Variants in ZNF420 observed in about 807,000 individuals in gnomAD.
ZNF420 encodes the protein zinc finger protein 420.
A neutral mutation model predicts 44.7 loss-of-function variants in ZNF420; 31 were observed. That is an observed-to-expected ratio of 0.69 (90% CI 0.52 to 0.94). The LOEUF (loss-of-function observed/expected upper bound fraction) is 0.94. ZNF420 is among the 40% of genes least tolerant of loss of function. The pLI is 0.00. For missense variants in ZNF420, 681 were observed against 827.9 expected (o/e 0.82, Z 2.18); for synonymous variants, 245 against 267.4 (o/e 0.92, Z 0.82).
chr19:37,113,233 C>G (rs73930907), intron 4 of ZNF420, among the ~76,000 whole-genome samples: 48 of 152,260 alleles, frequency 3.2e-4, no homozygotes, highest in African/African-American at 1.1e-3. Context: ...GGCTCTTTAT[C>G]TGTTCTTGTA....
intron 4 of ZNF420, among the ~76,000 whole-genome samples, chr19:37,122,573 C>G (rs1971112934): frequency 6.6e-6 from 1 of 152,060 alleles, no homozygotes. Context: ...TGTAACAAAC[C>G]TGCACATTGT....
chr19:37,106,165 CTCT>C (rs1452785206), intron 4 of ZNF420, among the ~76,000 whole-genome samples: 3 of 152,074 alleles, frequency 2.0e-5, no homozygotes, highest in African/African-American at 7.2e-5. Context: ...TCATAAATAG[CTCT>C]TATTATTTTG....
chr19:37,015,150 G>C (rs1036330971), intron 1 of ZNF420, among the ~76,000 whole-genome samples: 15 of 152,180 alleles, frequency 9.9e-5, no homozygotes, highest in African/African-American at 3.1e-4. Flanking sequence ...GTTTCTTTCT[G>C]TGTGTGTGTG....
intron 3 of ZNF420, 102 bp downstream of exon 3, chr19:37,089,229 T>A: frequency 1.0e-6 from 1 of 1,000,016 alleles, no homozygotes; most frequent in Non-Finnish European, 1.6e-6. Flanking sequence ...CTGACCTCAC[T>A]CAGGAATGTG....
intron 1 of ZNF420, among the ~76,000 whole-genome samples, chr19:37,079,202 A>G (rs1231313232): frequency 6.6e-6 from 1 of 152,202 alleles, no homozygotes; most frequent in Non-Finnish European, 1.5e-5. Flanking sequence ...TGTTTGAGAC[A>G]AGGTGGTCTA....
chr19:37,013,488 C>T (rs2059396793), intron 1 of ZNF420, among the ~76,000 whole-genome samples: 1 of 152,146 alleles, frequency 6.6e-6, no homozygotes, highest in South Asian at 2.1e-4. Context: ...TCTCTGGATG[C>T]CCGGATTTGA....
intron 1 of ZNF420, among the ~76,000 whole-genome samples, chr19:37,059,880 T>A (rs1234636065): frequency 2.0e-4 from 31 of 152,046 alleles, no homozygotes. Flanking sequence ...CTTTTCTCTG[T>A]CTCTCACTTC....
chr19:37,038,703 A>G (rs1967400079), intron 1 of ZNF420, among the ~76,000 whole-genome samples: 1 of 152,238 alleles, frequency 6.6e-6, no homozygotes, highest in African/African-American at 2.4e-5. Context: ...CTGTAATCCC[A>G]GCACTTTGGG....
chr19:37,008,244 C>A (rs1415686091), intron 1 of ZNF420, among the ~76,000 whole-genome samples: 1 of 151,556 alleles, frequency 6.6e-6, no homozygotes. Context: ...TGTACCACTG[C>A]TGTGTGTGTG....
chr19:37,055,420 T>C (rs1967723600), intron 1 of ZNF420, among the ~76,000 whole-genome samples: 1 of 151,862 alleles, frequency 6.6e-6, no homozygotes, highest in Non-Finnish European at 1.5e-5. Flanking sequence ...AAAAGTCGGC[T>C]CAAAAAGGCC....
chr19:37,018,703 G>T (rs151116898), intron 1 of ZNF420, among the ~76,000 whole-genome samples: 2,656 of 152,212 alleles, frequency 0.017, 41 homozygotes, highest in Middle Eastern at 0.054. Context: ...GAGTAGCTGG[G>T]ATTATAGGTG....
intron 2 of ZNF420, among the ~76,000 whole-genome samples, chr19:37,083,832 C>T (rs1214831047): frequency 1.3e-5 from 2 of 152,136 alleles, no homozygotes; most frequent in East Asian, 1.9e-4. Context: ...ATAGTAGGAA[C>T]TCTCATTGCT....
At chr19:37,025,128 A>G in intron 1 of ZNF420, 1 of 356,326 alleles carries the variant, frequency 2.8e-6, no homozygotes, top group Non-Finnish European at 4.9e-6. Context: ...CACATTCCAA[A>G]CATTTATAGG....
chr19:37,017,712 C>T (rs997278290), intron 1 of ZNF420, among the ~76,000 whole-genome samples: 5 of 152,162 alleles, frequency 3.3e-5, no homozygotes, highest in South Asian at 2.1e-4. Context: ...CAGTGGACAG[C>T]ACACTCGGTG....
intron 1 of ZNF420, among the ~76,000 whole-genome samples, chr19:37,047,382 C>A (rs1003424284): frequency 2.0e-5 from 3 of 152,192 alleles, no homozygotes; most frequent in Non-Finnish European, 4.4e-5. Context: ...TGCATCCCCT[C>A]CTGAAGACAC....
At chr19:37,059,344 C>A (rs371190558) in intron 1 of ZNF420, among the ~76,000 whole-genome samples, 1 of 152,202 alleles carries the variant, frequency 6.6e-6, no homozygotes, top group South Asian at 2.1e-4. Flanking sequence ...CTTCTAGGAG[C>A]GGAGCGCGAG....
At chr19:37,109,082 C>G (rs773351364) in intron 4 of ZNF420, among the ~76,000 whole-genome samples, 4 of 152,196 alleles carry the variant, frequency 2.6e-5, no homozygotes, top group Non-Finnish European at 5.9e-5. Flanking sequence ...AGTGAATCTA[C>G]TGGTGGTACA....
chr19:37,023,170 G>A (rs1226523438), intron 1 of ZNF420, among the ~76,000 whole-genome samples: 1 of 151,876 alleles, frequency 6.6e-6, no homozygotes, highest in Non-Finnish European at 1.5e-5. Flanking sequence ...TCTGTAGAAT[G>A]TCTAAAGCCT....
intron 1 of ZNF420, among the ~76,000 whole-genome samples, chr19:37,008,892 G>A (rs946346431): frequency 2.0e-5 from 3 of 152,180 alleles, no homozygotes; most frequent in Non-Finnish European, 4.4e-5. Flanking sequence ...AAACTTCAAG[G>A]AGATCCATGT....
Sources: gnomAD v4.1 joint callset for allele counts (sites outside exome capture counted in the v4.1 genomes callset) on GRCh38, gnomAD v4.1.1 for gene constraint, MANE v1.5 for transcripts, NCBI Gene and HGNC (gene_info 2026-07-23, HGNC 2026-07-21) for gene names.